ARHGAP35: variants seen among roughly 807,000 people sequenced by gnomAD.
ARHGAP35 encodes Rho GTPase activating protein 35, also known as rho GTPase-activating protein 35.
In ARHGAP35, 15 loss-of-function variants were observed where a neutral mutation model predicts 111.1. The ratio of observed to expected loss-of-function variants is 0.13; its 90% CI spans 0.09 to 0.21. The LOEUF (loss-of-function observed/expected upper bound fraction) is 0.21, where lower values mean the gene tolerates loss of function less well. Ranked by LOEUF, ARHGAP35 falls within the 10% of genes least tolerant of loss-of-function variation. The pLI is 1.00. For missense variants in ARHGAP35, 1,262 were observed against 1,873.0 expected, an observed-to-expected ratio of 0.67 and a Z score of 6.02; for synonymous variants, 643 against 710.3, an observed-to-expected ratio of 0.91 and a Z score of 1.51.
At chr19:46,893,682 G>C (rs890997743) in intron 1 of ARHGAP35, among the ~76,000 whole-genome samples, 14 of 151,900 alleles carry the variant, frequency 9.2e-5, no homozygotes, top group African/African-American at 3.4e-4. Context: ...TGTACCAATA[G>C]GAGTATGAAC....
At chr19:46,944,214 G>A (rs558191291) in intron 3 of ARHGAP35, among the ~76,000 whole-genome samples, 17 of 151,220 alleles carry the variant, frequency 1.1e-4, no homozygotes, top group East Asian at 1.9e-4. Flanking sequence ...TAGGAGGATC[G>A]CTTGAGCCCA....
chr19:46,923,708 C>T (rs563696632), intron 2 of ARHGAP35, among the ~76,000 whole-genome samples: 1 of 151,668 alleles, frequency 6.6e-6, no homozygotes, highest in Admixed American at 6.6e-5. Flanking sequence ...CTCTTGAGGT[C>T]AGGAGTTTGA....
intron 1 of ARHGAP35, among the ~76,000 whole-genome samples, chr19:46,917,004 A>G (rs983251758): frequency 1.5e-4 from 23 of 152,202 alleles, no homozygotes; most frequent in African/African-American, 5.5e-4. Flanking sequence ...TACACAAAAC[A>G]TAAAACTTGC....
At chr19:46,931,717 G>C (rs898295950) in intron 2 of ARHGAP35, among the ~76,000 whole-genome samples, 5 of 152,206 alleles carry the variant, frequency 3.3e-5, no homozygotes, top group Admixed American at 2.6e-4. Flanking sequence ...GGCTGGCCCA[G>C]TCCTTTGTGT....
chr19:46,889,205 C>T (rs191835112), intron 1 of ARHGAP35, among the ~76,000 whole-genome samples: 42 of 152,220 alleles, frequency 2.8e-4, no homozygotes, highest in African/African-American at 1.0e-3. Flanking sequence ...GTGGCTCACA[C>T]CTGTAATCCC....
In ARHGAP35 at chr19:46,875,600, G is replaced by T. The variant is rs73057365; in HGVS notation, c.-189+14391G>T. On this transcript the variant is annotated intron_variant, in intron 1 of 6. Transcript: ENST00000672722. ...TCATTTATTCTTAATCTGAGTTCTCGTGTCTATAAAATGGGCTTAAATACC... is the reference window on the plus strand; with the variant it reads ...TCATTTATTCTTAATCTGAGTTCTCTTGTCTATAAAATGGGCTTAAATACC... Among the ~76,000 whole-genome samples the T allele has an allele frequency of 1.1e-4, 17 of 152,082 alleles. 1 individual carries two copies. Among genetic ancestry groups the T allele is most frequent in the Admixed American group, 3.3e-4 (5 of 15,292 alleles).
chr19:46,967,351 T>C (rs2056521368), intron 3 of ARHGAP35, among the ~76,000 whole-genome samples: 1 of 152,156 alleles, frequency 6.6e-6, no homozygotes, highest in African/African-American at 2.4e-5. Flanking sequence ...GTCAACAGCA[T>C]GTCCTCCATG....
At chr19:46,961,035 C>T (rs559153599) in intron 3 of ARHGAP35, among the ~76,000 whole-genome samples, 4 of 152,114 alleles carry the variant, frequency 2.6e-5, no homozygotes, top group African/African-American at 9.6e-5. Context: ...GCTGGGATTA[C>T]CGGCGCCTGC....
chr19:46,916,074 A>G (rs967830973), intron 1 of ARHGAP35, among the ~76,000 whole-genome samples: 1 of 151,686 alleles, frequency 6.6e-6, no homozygotes, highest in Non-Finnish European at 1.5e-5. Flanking sequence ...AGCTGGGACT[A>G]CAGGTGCCCA....
intron 3 of ARHGAP35, chr19:46,948,633 T>C (rs1230626656): frequency 1.3e-5 from 2 of 152,116 alleles, no homozygotes; most frequent in African/African-American, 2.4e-5. Flanking sequence ...ATCTCAAAAT[T>C]ATGCTTCTGA....
At position 46,978,326 on chromosome 19, in the gene ARHGAP35, T is replaced by C. The variant is rs140603224; in HGVS notation, c.3827-9663T>C. Among the ~76,000 whole-genome samples the C allele has an allele frequency of 9.9e-5, 15 of 152,246 alleles. 1 individual carries two copies. The East Asian group carries it at 2.5e-3, about 25-fold the overall frequency. ...CATGTTTGCCTCCTTTCATGGGTCATTGGGAATCAGGAACCTGAAGGAAGT... is the reference window on the plus strand; with the variant it reads ...CATGTTTGCCTCCTTTCATGGGTCACTGGGAATCAGGAACCTGAAGGAAGT... On this transcript the variant is annotated intron_variant, in intron 3 of 6. Transcript: ENST00000672722.
At chr19:46,898,552 T>A (rs7250499) in intron 1 of ARHGAP35, among the ~76,000 whole-genome samples, 1 of 152,172 alleles carries the variant, frequency 6.6e-6, no homozygotes, top group Non-Finnish European at 1.5e-5. Flanking sequence ...TAGTTAATAT[T>A]GCTGTTTTTA....
chr19:46,999,082 G>A lies in ARHGAP35; in HGVS notation c.4037-222G>A, dbSNP rs536355846. On this transcript the variant is annotated intron_variant, in intron 5 of 6. Coordinates refer to ENST00000672722, the MANE Select transcript of ARHGAP35 (RefSeq NM_004491.5). This position sits in a 1 kb window ranked among gnomAD's most constrained non-coding sequence, Gnocchi z 5.4. ...CAGGAAGCCCCAGGCACACAGTGCCGCCCTTCAGCGGGGGCCTGGGACACA... is the reference window on the plus strand; with the variant it reads ...CAGGAAGCCCCAGGCACACAGTGCCACCCTTCAGCGGGGGCCTGGGACACA... 1.4e-4 allele frequency: 75 copies of A among 552,220 alleles called. No individual in the cohort carries two copies. Among genetic ancestry groups the A allele is most frequent in the East Asian group, 9.1e-4 (32 of 34,984 alleles). The allele number at this position is 552,220 out of a possible 1,614,324, so 34.2% of individuals were successfully genotyped here.
At chr19:46,965,858 A>G (rs1444827901) in intron 3 of ARHGAP35, among the ~76,000 whole-genome samples, 1 of 152,158 alleles carries the variant, frequency 6.6e-6, no homozygotes, top group African/African-American at 2.4e-5. Context: ...TTAGCCTCAC[A>G]ATGTTTAGTT....
intron 1 of ARHGAP35, among the ~76,000 whole-genome samples, chr19:46,862,293 C>T (rs1205022615): frequency 1.3e-5 from 2 of 152,100 alleles, no homozygotes; most frequent in African/African-American, 4.8e-5. Context: ...AGTTTCAGCC[C>T]GTGTTCTCTT....
Position 46,919,806 on chromosome 19 carries a change from G to T in ARHGAP35, c.1131G>T (p.Leu377Phe), listed in dbSNP as rs778812196. 5 of 1,614,054 alleles carry T rather than the reference G, an allele frequency of 3.1e-6. No homozygotes were observed. The highest frequency in any genetic ancestry group is 1.7e-5 in the Admixed American group (1 of 60,028). ...KKLLETKPEF[L>F]KWFVVLEETP... ...TCTTAGAAACCAAGCCAGAATTCTTGAAGTGGTTTGTTGTGCTTGAAGAGA... is the reference window on the plus strand; with the variant it reads ...TCTTAGAAACCAAGCCAGAATTCTTTAAGTGGTTTGTTGTGCTTGAAGAGA... Residue 377 changes from leucine to phenylalanine, a missense_variant, in exon 2 of 7, where the codon TTG (leucine) becomes TTT (phenylalanine). Leu to Phe is a conservative substitution (Grantham distance 22). Coordinates refer to ENST00000672722, the MANE Select transcript of ARHGAP35 (RefSeq NM_004491.5). The surrounding 1 kb of genome is among the most constrained non-coding windows in gnomAD (Gnocchi z 6.2).
chr19:46,935,299 C>T (rs2056301157), intron 2 of ARHGAP35, among the ~76,000 whole-genome samples: 1 of 152,176 alleles, frequency 6.6e-6, no homozygotes, highest in African/African-American at 2.4e-5. Flanking sequence ...CATATTGAGT[C>T]AGGTAGCAGG....
chr19:46,903,333 A>G (rs2056090800), intron 1 of ARHGAP35, among the ~76,000 whole-genome samples: 1 of 152,124 alleles, frequency 6.6e-6, no homozygotes, highest in African/African-American at 2.4e-5. Context: ...GGTTTTTATA[A>G]TGGTGATGTA....
chr19:46,870,170 C>CG (rs1202636071), intron 1 of ARHGAP35, among the ~76,000 whole-genome samples: 22 of 151,580 alleles, frequency 1.5e-4, no homozygotes, highest in Admixed American at 1.3e-3. Context: ...AGGCTGGTCT[C>CG]GAACTCCTGA....
Sources: allele counts gnomAD v4.1 joint callset (sites outside exome capture counted in the v4.1 genomes callset), GRCh38; gene constraint gnomAD v4.1.1; non-coding constraint Gnocchi (gnomAD v3.1); transcripts MANE v1.5; gene names NCBI Gene and HGNC (gene_info 2026-07-23, HGNC 2026-07-21).